The following UNC5D variants were observed in gnomAD, a reference collection of about 807,000 sequenced individuals.
UNC5D encodes the protein netrin receptor UNC5D.
Under a neutral mutation model 105.4 loss-of-function variants are expected in UNC5D, and 39 were observed. The ratio of observed to expected loss-of-function variants is 0.37; its 90% CI spans 0.29 to 0.48. The LOEUF (loss-of-function observed/expected upper bound fraction) is 0.48, where lower values mean the gene tolerates loss of function less well. UNC5D is among the 20% of genes least tolerant of loss of function. The probability of loss-of-function intolerance (pLI) is 0.98; values close to 1 mark genes in which losing one functional copy is unlikely to be tolerated. For missense variants in UNC5D, 991 were observed against 1,202.4 expected, an observed-to-expected ratio of 0.82 and a Z score of 2.60; for synonymous variants, 452 against 450.4, an observed-to-expected ratio of 1.00 and a Z score of -0.04.
intron 1 of UNC5D, among the ~76,000 whole-genome samples, chr8:35,520,370 A>T (rs78933270): frequency 0.011 from 1,645 of 152,228 alleles, 37 homozygotes; most frequent in African/African-American, 0.038. Flanking sequence ...ATCCATAGAG[A>T]CAGAAAATAG....
intron 4 of UNC5D, among the ~76,000 whole-genome samples, chr8:35,663,033 C>CAGTTT (rs1245247581): frequency 6.6e-6 from 1 of 152,168 alleles, no homozygotes; most frequent in African/African-American, 2.4e-5. Flanking sequence ...CATCCTGAAA[C>CAGTTT]CATCCCCCAC....
At chr8:35,437,874 G>A (rs1360373972) in intron 1 of UNC5D, among the ~76,000 whole-genome samples, 1 of 141,386 alleles carries the variant, frequency 7.1e-6, no homozygotes, top group Non-Finnish European at 1.6e-5. Flanking sequence ...TTTTTTTTTT[G>A]TCTTACTGAT....
rs1251943120 is a variant in UNC5D, at chr8:35,630,789, G to A, written c.570+35132G>A. 2.0e-5 allele frequency among the ~76,000 whole-genome samples: 3 copies of A among 152,142 alleles called. No individual in the cohort carries two copies. The East Asian group carries it at 5.8e-4, about 29-fold the overall frequency. On this transcript the variant is annotated intron_variant, in intron 4 of 16. Transcript: ENST00000404895. ...GTTATTAATTCAGAGCCAGAATAAT[G>A]TACTGGGGTGGGGGGGAATAGGCCA...
chr8:35,565,741 G>T (rs918061974), intron 2 of UNC5D, among the ~76,000 whole-genome samples: 2 of 152,104 alleles, frequency 1.3e-5, no homozygotes, highest in African/African-American at 2.4e-5. Flanking sequence ...TGAGTTAATT[G>T]TTGTATATGG....
rs150017984 is a variant in UNC5D, at chr8:35,568,120, C to T, written c.345C>T (p.Phe115=). 1 of 1,614,196 alleles carries T rather than the reference C, an allele frequency of 6.2e-7. No homozygotes were observed. The highest frequency in any genetic ancestry group is 1.3e-5 in the African/African-American group (1 of 75,062). Residue 115 remains phenylalanine, a synonymous_variant, in exon 3 of 17, where the codon TTC becomes TTT. Coordinates refer to ENST00000404895, the MANE Select transcript of UNC5D (RefSeq NM_080872.4). ...ESSGLKVREV[F]INVTRQQVED... is the part of the protein sequence containing the mutation. ...CAGGTTTGAAGGTCCGCGAAGTGTT[C>T]ATCAATGTTACTAGGCAACAGGTGG...
At chr8:35,626,973 C>T (rs1471589773) in intron 4 of UNC5D, among the ~76,000 whole-genome samples, 1 of 152,122 alleles carries the variant, frequency 6.6e-6, no homozygotes, top group African/African-American at 2.4e-5. Context: ...CTTTAACTAG[C>T]ACTTTGGTGA....
intron 1 of UNC5D, among the ~76,000 whole-genome samples, chr8:35,258,750 C>T (rs781085970): frequency 3.3e-5 from 5 of 152,072 alleles, no homozygotes; most frequent in African/African-American, 4.8e-5. Flanking sequence ...TTCAGTTTAG[C>T]AAGGGAGATG....
chr8:35,592,972 T>C (rs1586202221), intron 3 of UNC5D, among the ~76,000 whole-genome samples: 1 of 151,832 alleles, frequency 6.6e-6, no homozygotes, highest in Non-Finnish European at 1.5e-5. Flanking sequence ...CTATGTGAGA[T>C]CTATTAGAAG....
chr8:35,512,274 C>T (rs1812761131), intron 1 of UNC5D, among the ~76,000 whole-genome samples: 1 of 151,066 alleles, frequency 6.6e-6, no homozygotes, highest in African/African-American at 2.4e-5. Flanking sequence ...GTAATCCCAG[C>T]ACTTTGGTGG....
At chr8:35,332,833 T>C (rs1394234045) in intron 1 of UNC5D, among the ~76,000 whole-genome samples, 2 of 152,182 alleles carry the variant, frequency 1.3e-5, no homozygotes, top group African/African-American at 4.8e-5. Flanking sequence ...AACTGAGTGC[T>C]GGGGACAAAG....
intron 16 of UNC5D, among the ~76,000 whole-genome samples, chr8:35,775,796 A>T (rs1254081061): frequency 6.6e-6 from 1 of 152,190 alleles, no homozygotes; most frequent in Admixed American, 6.5e-5. Flanking sequence ...CCAAGAACGA[A>T]GGGCTCAACT....
chr8:35,408,244 T>A (rs192267224), intron 1 of UNC5D, among the ~76,000 whole-genome samples: 1 of 152,086 alleles, frequency 6.6e-6, no homozygotes, highest in Non-Finnish European at 1.5e-5. Flanking sequence ...TACTCAGCAA[T>A]TAAACATGAA....
intron 1 of UNC5D, among the ~76,000 whole-genome samples, chr8:35,473,518 A>G (rs1357346672): frequency 6.6e-6 from 1 of 152,140 alleles, no homozygotes; most frequent in Non-Finnish European, 1.5e-5. Context: ...TACATTCTTA[A>G]TATATTTTTT....
At chr8:35,670,303 G>A (rs1444283840) in intron 4 of UNC5D, among the ~76,000 whole-genome samples, 1 of 152,064 alleles carries the variant, frequency 6.6e-6, no homozygotes, top group African/African-American at 2.4e-5. Flanking sequence ...TAAATATTTG[G>A]TAAATAATTC....
intron 7 of UNC5D, among the ~76,000 whole-genome samples, chr8:35,705,250 C>T (rs1053648541): frequency 1.3e-5 from 2 of 152,212 alleles, no homozygotes; most frequent in Non-Finnish European, 2.9e-5. Context: ...AGGCGTGAGC[C>T]ACCCTGCCCA....
At chr8:35,724,227 A>T (rs772241569) in intron 9 of UNC5D, 8 of 1,527,482 alleles carry the variant, frequency 5.2e-6, no homozygotes, top group Non-Finnish European at 7.0e-6. Flanking sequence ...TTACCTGACC[A>T]TTTTGTTTTA....
chr8:35,466,294 A>C (rs974784957), intron 1 of UNC5D, among the ~76,000 whole-genome samples: 7 of 152,174 alleles, frequency 4.6e-5, no homozygotes, highest in African/African-American at 1.7e-4. Flanking sequence ...TACAGTCAGA[A>C]TTCATCTCTC....
At chr8:35,648,540 A>T (rs1371377625) in intron 4 of UNC5D, among the ~76,000 whole-genome samples, 1 of 151,984 alleles carries the variant, frequency 6.6e-6, no homozygotes, top group Non-Finnish European at 1.5e-5. Context: ...TTAGCCGGGT[A>T]TGGTTGCAGG....
intron 1 of UNC5D, among the ~76,000 whole-genome samples, chr8:35,516,021 C>A (rs1813070748): frequency 6.6e-6 from 1 of 152,102 alleles, no homozygotes; most frequent in Non-Finnish European, 1.5e-5. Flanking sequence ...TTGTCTCCTG[C>A]CAGTTCCTGT....
Sources: gnomAD v4.1 joint callset for allele counts (sites outside exome capture counted in the v4.1 genomes callset) on GRCh38, gnomAD v4.1.1 for gene constraint, MANE v1.5 for transcripts, NCBI Gene and HGNC (gene_info 2026-07-23, HGNC 2026-07-21) for gene names.